Variants in GRID2 observed in about 807,000 individuals in gnomAD.
The protein encoded by GRID2 is glutamate receptor ionotropic, delta-2.
GRID2 carries 33 observed loss-of-function variants against 114.8 expected under a neutral mutation model. That is an observed-to-expected ratio of 0.29 (90% CI 0.22 to 0.38). The LOEUF (loss-of-function observed/expected upper bound fraction) is 0.38. Among genes scored for constraint, GRID2 ranks in the 10% least tolerant of loss-of-function variants. The pLI is 1.00. For synonymous variants in GRID2, 505 were observed against 449.9 expected, an observed-to-expected ratio of 1.12 and a Z score of -1.55; for missense variants, 1,184 against 1,257.7, an observed-to-expected ratio of 0.94 and a Z score of 0.89.
At chr4:93,155,016 A>G (rs1456099938) in intron 4 of GRID2, among the ~76,000 whole-genome samples, 1 of 151,828 alleles carries the variant, frequency 6.6e-6, no homozygotes, top group Non-Finnish European at 1.5e-5. Flanking sequence ...GGTTCCTACA[A>G]TTTAATATTT....
At chr4:93,369,187 G>C (rs1277276304) in intron 8 of GRID2, among the ~76,000 whole-genome samples, 1 of 152,128 alleles carries the variant, frequency 6.6e-6, no homozygotes, top group Non-Finnish European at 1.5e-5. Flanking sequence ...GCTTCTGTTA[G>C]CTGTCAGCAT....
At chr4:93,332,963 C>T (rs559418501) in intron 8 of GRID2, among the ~76,000 whole-genome samples, 1 of 152,230 alleles carries the variant, frequency 6.6e-6, no homozygotes, top group East Asian at 1.9e-4. Context: ...TTTCTCCAAC[C>T]ATACTGGCTT....
rs1284889245 is a variant in GRID2 at position 93,453,359 on chromosome 4, A to AGAGAGT, written c.1546-2302_1546-2301insAGAGTG. On this transcript the variant is annotated intron_variant, in intron 10 of 15. Coordinates refer to ENST00000282020, the MANE Select transcript of GRID2 (RefSeq NM_001510.4). ...GAGAGAGAGAGAGAGAGAGAGAGAG[A>AGAGAGT]GTGTGTGTATTTGTTAGAAAAAGTT... is the stretch of plus-strand genomic sequence containing the variant. Among the ~76,000 whole-genome samples the AGAGAGT allele has an allele frequency of 1.9e-3, 229 of 121,200 alleles. 1 individual carries two copies. In the Middle Eastern group the frequency reaches 0.019, roughly 10 times the overall value. The allele number at this position is 121,200 out of a possible 152,430, so 79.5% of individuals were successfully genotyped here.
At chr4:93,740,922 T>C (rs1052372250) in intron 14 of GRID2, among the ~76,000 whole-genome samples, 1 of 151,590 alleles carries the variant, frequency 6.6e-6, no homozygotes, top group Admixed American at 6.6e-5. Context: ...TTTTTTCCTC[T>C]TCTGTCCTAC....
At chr4:92,354,173 G>A (rs1395584661) in intron 1 of GRID2, among the ~76,000 whole-genome samples, 1 of 152,008 alleles carries the variant, frequency 6.6e-6, no homozygotes. Flanking sequence ...GGGAACATGG[G>A]CTAATATCTT....
chr4:93,136,403 T>A (rs1341272201), intron 4 of GRID2, among the ~76,000 whole-genome samples: 1 of 152,104 alleles, frequency 6.6e-6, no homozygotes, highest in African/African-American at 2.4e-5. Context: ...CCAAAGCTTC[T>A]GAGGAACATA....
chr4:93,596,288 G>T (rs1399325793), intron 13 of GRID2, among the ~76,000 whole-genome samples: 1 of 152,118 alleles, frequency 6.6e-6, no homozygotes, highest in Non-Finnish European at 1.5e-5. Context: ...GAAAATAAAG[G>T]CTACTTGAGG....
intron 2 of GRID2, among the ~76,000 whole-genome samples, chr4:93,083,647 G>T (rs1304301462): frequency 7.9e-6 from 1 of 126,414 alleles, no homozygotes; most frequent in South Asian, 2.5e-4. Flanking sequence ...TGTGAGCCAA[G>T]ATCACACCAC....
chr4:92,347,852 AATATT>A (rs558925156), intron 1 of GRID2, among the ~76,000 whole-genome samples: 23 of 152,220 alleles, frequency 1.5e-4, no homozygotes, highest in African/African-American at 5.1e-4. Context: ...ATATGAATAT[AATATT>A]ATATTGTAAT....
chr4:93,064,130 AATAT>A (rs1196190221), intron 2 of GRID2, among the ~76,000 whole-genome samples: 4 of 51,152 alleles, frequency 7.8e-5, no homozygotes, highest in South Asian at 5.2e-4. Context: ...ATTAAAATAT[AATAT>A]ATATAATAAC....
chr4:93,421,197 A>C (rs1458979862), intron 9 of GRID2, among the ~76,000 whole-genome samples: 1 of 152,182 alleles, frequency 6.6e-6, no homozygotes, highest in Admixed American at 6.5e-5. Flanking sequence ...AGGTAGCAGA[A>C]AGAATAAGAA....
intron 1 of GRID2, among the ~76,000 whole-genome samples, chr4:92,564,923 G>C (rs536935908): frequency 5.3e-5 from 8 of 152,060 alleles, no homozygotes; most frequent in African/African-American, 1.4e-4. Flanking sequence ...CATCAAAAGA[G>C]TGGGAAGTAT....
At chr4:92,903,616 T>C (rs1747743042) in intron 2 of GRID2, among the ~76,000 whole-genome samples, 1 of 152,004 alleles carries the variant, frequency 6.6e-6, no homozygotes, top group Non-Finnish European at 1.5e-5. Context: ...TGAACCCCAG[T>C]AATTTCTGGC....
At chr4:92,895,404 T>TATATATATATATATATATATAA (rs1280678337) in intron 2 of GRID2, among the ~76,000 whole-genome samples, 2 of 147,034 alleles carry the variant, frequency 1.4e-5, no homozygotes, top group East Asian at 4.0e-4. Context: ...TATATATATA[T>TATATATATATATATATATATAA]AAACTGAAAG....
At chr4:92,323,604 C>T (rs1210842124) in intron 1 of GRID2, among the ~76,000 whole-genome samples, 1 of 152,050 alleles carries the variant, frequency 6.6e-6, no homozygotes, top group East Asian at 1.9e-4. Context: ...TTACTTCTGG[C>T]ATCCCAGGTT....
chr4:93,055,408 T>TGGCGTGAACCCGGGAAGCGG (rs1727129097), intron 2 of GRID2, among the ~76,000 whole-genome samples: 2 of 151,832 alleles, frequency 1.3e-5, no homozygotes, highest in Admixed American at 6.6e-5. Context: ...ATAATAGATA[T>TGGCGTGAACCCGGGAAGCGG]ACCTAATGCT....
intron 8 of GRID2, among the ~76,000 whole-genome samples, chr4:93,266,439 C>A (rs1405815505): frequency 6.6e-6 from 1 of 152,060 alleles, no homozygotes; most frequent in Non-Finnish European, 1.5e-5. Context: ...TTTTTACACA[C>A]ACACACATCC....
intron 14 of GRID2, among the ~76,000 whole-genome samples, chr4:93,753,163 A>T (rs924520432): frequency 4.6e-5 from 7 of 152,184 alleles, no homozygotes; most frequent in Non-Finnish European, 8.8e-5. Context: ...ACCCAGAGCT[A>T]AAAGAAAGTG....
chr4:92,710,042 T>G (rs544329999), intron 2 of GRID2, among the ~76,000 whole-genome samples: 1 of 152,270 alleles, frequency 6.6e-6, no homozygotes, highest in African/African-American at 2.4e-5. Context: ...GCTCTAATAT[T>G]TTTATATGTT....
Sources: allele counts gnomAD v4.1 joint callset (sites outside exome capture counted in the v4.1 genomes callset), GRCh38; gene constraint gnomAD v4.1.1; transcripts MANE v1.5; gene names NCBI Gene and HGNC (gene_info 2026-07-23, HGNC 2026-07-21).